Variants in DACT1 observed in about 807,000 individuals in gnomAD.
DACT1 encodes the protein dapper homolog 1.
A neutral mutation model predicts 35.3 loss-of-function variants in DACT1; 19 were observed. That is an observed-to-expected ratio of 0.54 (90% confidence interval 0.38 to 0.79). DACT1 has a LOEUF of 0.79. DACT1 is among the 30% of genes least tolerant of loss of function. DACT1 has a pLI of 0.00. For missense variants in DACT1, 1,143 were observed against 1,057.5 expected (o/e 1.08, Z -1.12); for synonymous variants, 545 against 466.7 (o/e 1.17, Z -2.16).
At chr14:58,639,343 T>G (rs1360583733) in intron 1 of DACT1, 7 of 865,894 alleles carry the variant, frequency 8.1e-6, no homozygotes, top group Non-Finnish European at 8.3e-6. Flanking sequence ...AAAAAGAACT[T>G]TGTAGCTTAA....
In DACT1 at chr14:58,647,170, T is replaced by G. The variant is rs771565266; in HGVS notation, c.*36T>G. On this transcript the variant is annotated 3_prime_UTR_variant, in exon 4 of 4. Transcript: ENST00000395153. ...TGGTGTAGAAAGTTTGTGTGTTTTTTTTTCTTCTCCCTAGTTGCCAAAATT... is the reference window on the plus strand; with the variant it reads ...TGGTGTAGAAAGTTTGTGTGTTTTTGTTTCTTCTCCCTAGTTGCCAAAATT... The G allele has an allele frequency of 6.3e-7, 1 of 1,589,186 alleles. No individual in the cohort carries two copies. Among genetic ancestry groups the G allele is most frequent in the Non-Finnish European group, 8.5e-7 (1 of 1,173,484 alleles).
Position 58,646,875 on chromosome 14 carries a change from C to T in DACT1, c.2141C>T (p.Thr714Ile), listed in dbSNP as rs757759206. The T allele has an allele frequency of 4.3e-6, 7 of 1,614,214 alleles. No individual in the cohort carries two copies. The South Asian group carries it at 7.7e-5, about 18-fold the overall frequency. ...GAGGACGAGCAGAGCAATTACACCA[C>T]CAACTGCTTCGGGGACAGCGAGTCG... ...TSEDEQSNYTTNCFGDSESSV... is the reference protein window; with the variant it reads ...TSEDEQSNYTINCFGDSESSV... Residue 714 changes from threonine (T) to isoleucine (I), a missense_variant, in exon 4 of 4, where the codon ACC becomes ATC. Thr to Ile is a moderately conservative substitution (Grantham distance 89, BLOSUM62 -1). This residue lies in a region of DACT1 where 1,054 missense variants were observed against 958.8 expected (regional missense o/e 1.10). Coordinates refer to ENST00000395153, the MANE Select transcript of DACT1 (RefSeq NM_001079520.2).
In DACT1 at chr14:58,646,279, G is replaced by T. The variant is rs571594579; in HGVS notation, c.1545G>T (p.Ala515=). The T allele has an allele frequency of 5.0e-6, 8 of 1,613,128 alleles. No homozygotes were observed. The East Asian group carries it at 1.3e-4, about 27-fold the overall frequency. The change falls in exon 4 of 4, where the codon GCG becomes GCT. Residue 515 remains alanine (A), a synonymous_variant. Transcript: ENST00000395153. Reference sequence around the variant, plus strand: ...GCTCTTCCCAAAGCCTGGAGGAAGCGCACCTGGTCAAGGCCCAGTTTATCC... The same window carrying T: ...GCTCTTCCCAAAGCCTGGAGGAAGCTCACCTGGTCAAGGCCCAGTTTATCC... The part of the protein sequence containing the change: ...SEGSSQSLEE[A]HLVKAQFIPG...
Position 58,641,721 on chromosome 14 carries a change from T to C in DACT1, c.608T>C (p.Leu203Pro), listed in dbSNP as rs377198014. The C allele has an allele frequency of 8.1e-6, 13 of 1,613,720 alleles. No individual in the cohort carries two copies. The highest frequency in any genetic ancestry group is 1.3e-5 in the African/African-American group (1 of 74,926). ...AGCCCCTTGGAGGCGACCTTGAGTC[T>C]CTCAGATGGTTGCCCCAAATCTGCA... ...FCSPLEATLS[L>P]SDGCPKSADV... Residue 203 changes from leucine to proline, a missense_variant, in exon 3 of 4, where the codon CTC becomes CCC. Physicochemically the swap from Leu to Pro is moderately conservative, Grantham distance 98 (BLOSUM62 -3). This residue lies in a region of DACT1 where 1,054 missense variants were observed against 958.8 expected (regional missense o/e 1.10). Transcript: ENST00000395153.
Position 58,638,370 on chromosome 14 carries a change from G to T in DACT1, c.168G>T (p.Ala56=). 1 of 1,302,726 alleles carries T rather than the reference G, an allele frequency of 7.7e-7. No individual in the cohort carries two copies. The allele number at this position is 1,302,726 out of a possible 1,614,324, so 80.7% of individuals were successfully genotyped here. Residue 56 remains alanine, a synonymous_variant, in exon 1 of 4, where the codon GCG becomes GCT. Transcript: ENST00000395153. ...AGGAGGCCACGCTGGCCGGGCTGGC[G>T]GAGCTGGAGTACCTGCGCCAGCGCC... ...ERQEATLAGL[A]ELEYLRQRQE...
Position 58,647,088 on chromosome 14 carries a change from T to G in DACT1, c.2354T>G (p.Ile785Ser), listed in dbSNP as rs748483816. ...GCCTCACATAACCTCAAGAAGAAGATCCTCCGCTTTCGGTCTGGCTCTTTG... is the reference window on the plus strand; with the variant it reads ...GCCTCACATAACCTCAAGAAGAAGAGCCTCCGCTTTCGGTCTGGCTCTTTG... ...IKASHNLKKK[I>S]LRFRSGSLKL... The change falls in exon 4 of 4, where the codon ATC (isoleucine) becomes AGC (serine). Residue 785 changes from isoleucine to serine, a missense_variant. By Grantham distance (142) the Ile-to-Ser change is moderately radical. Coordinates refer to ENST00000395153, the MANE Select transcript of DACT1 (RefSeq NM_001079520.2). The G allele has an allele frequency of 6.2e-7, 1 of 1,614,002 alleles. No individual in the cohort carries two copies. The highest frequency in any genetic ancestry group is 8.5e-7 in the Non-Finnish European group (1 of 1,179,996).
rs376589152 is a variant in DACT1 at position 58,647,087 on chromosome 14, A to G, written c.2353A>G (p.Ile785Val). ...GGCCTCACATAACCTCAAGAAGAAG[A>G]TCCTCCGCTTTCGGTCTGGCTCTTT... ...IKASHNLKKK[I>V]LRFRSGSLKL... Residue 785 changes from isoleucine (I) to valine (V), a missense_variant, in exon 4 of 4, where the codon ATC becomes GTC. Coordinates refer to ENST00000395153, the MANE Select transcript of DACT1 (RefSeq NM_001079520.2). 2 of 1,613,970 alleles carry G rather than the reference A, an allele frequency of 1.2e-6. No individual in the cohort carries two copies. Among genetic ancestry groups the G allele is most frequent in the African/African-American group, 2.7e-5 (2 of 74,866 alleles).
intron 3 of DACT1, among the ~76,000 whole-genome samples, chr14:58,644,415 T>G (rs189512682): frequency 1.1e-4 from 17 of 152,218 alleles, no homozygotes; most frequent in African/African-American, 4.1e-4. Context: ...AATTTTGTTG[T>G]AGAGAGATGG....
chr14:58,640,710 T>C (rs1277738635), intron 1 of DACT1, 26 bp from the exon 2 acceptor site: 2 of 1,613,714 alleles, frequency 1.2e-6, no homozygotes, highest in Non-Finnish European at 1.7e-6. Flanking sequence ...TGTATGTTCA[T>C]GTTTCCTTTG....
intron 1 of DACT1, 197 bp downstream of exon 1, chr14:58,638,744 C>T (rs2047599692): frequency 2.1e-5 from 25 of 1,192,702 alleles, no homozygotes; most frequent in Non-Finnish European, 2.5e-5. Context: ...CCACGCGTTT[C>T]TGGCGTGTGC....
At chr14:58,640,929 G>A in intron 2 of DACT1, 61 bp downstream of exon 2, 4 of 1,589,892 alleles carry the variant, frequency 2.5e-6, no homozygotes, top group Non-Finnish European at 3.4e-6. Flanking sequence ...AGCCCCTTGT[G>A]GTTAACATTC....
upstream of DACT1, among the ~76,000 whole-genome samples, chr14:58,634,870 G>T (rs2047564065): frequency 6.6e-6 from 1 of 152,230 alleles, no homozygotes; most frequent in Non-Finnish European, 1.5e-5. Flanking sequence ...TGAGGGACAT[G>T]TTCTGGCTCT....
rs764490850 is a variant in DACT1 at position 58,646,932 on chromosome 14, G to C, written c.2198G>C (p.Ser733Thr). ...AGCGAGGGCGAGTTCGTGGGGGAGA[G>C]CACAACCACCAGCGACTCTGAAGAA... is the stretch of plus-strand genomic sequence containing the variant. ...SVSEGEFVGE[S>T]TTTSDSEESG... The change falls in exon 4 of 4, where the codon AGC becomes ACC. Residue 733 changes from serine to threonine, a missense_variant. By Grantham distance (58) the Ser-to-Thr change is moderately conservative. Coordinates refer to ENST00000395153, the MANE Select transcript of DACT1 (RefSeq NM_001079520.2). 3.1e-6 allele frequency: 5 copies of C among 1,613,176 alleles called. No individual in the cohort carries two copies. The African/African-American group carries it at 5.3e-5, about 17-fold the overall frequency.
upstream of DACT1, among the ~76,000 whole-genome samples, chr14:58,636,476 A>G (rs1029911156): frequency 6.6e-5 from 10 of 152,146 alleles, no homozygotes; most frequent in Non-Finnish European, 1.3e-4. Flanking sequence ...ATACACATAA[A>G]CACCTACGTA....
Position 58,638,278 on chromosome 14 carries a change from G to A in DACT1, c.76G>A (p.Glu26Lys). ...APARGEQRTAEPEGRWREKGE... is the reference protein window; with the variant it reads ...APARGEQRTAKPEGRWREKGE... Reference sequence around the variant, plus strand: ...GGCCCGAGGCGAGCAGCGCACGGCGGAGCCCGAGGGGCGCTGGCGGGAGAA... The same window carrying A: ...GGCCCGAGGCGAGCAGCGCACGGCGAAGCCCGAGGGGCGCTGGCGGGAGAA... The change falls in exon 1 of 4, where the codon GAG becomes AAG. Residue 26 changes from glutamate (E) to lysine (K), a missense_variant. Physicochemically the swap from Glu to Lys is moderately conservative, Grantham distance 56 (BLOSUM62 1). Coordinates refer to ENST00000395153, the MANE Select transcript of DACT1 (RefSeq NM_001079520.2). 1.5e-6 allele frequency: 2 copies of A among 1,356,400 alleles called. No individual in the cohort carries two copies. The highest frequency in any genetic ancestry group is 1.5e-5 in the African/African-American group (1 of 65,424). 84.0% of individuals were successfully genotyped at this position (1,356,400 alleles called of 1,614,324 possible). A position where few individuals can be genotyped will look rare whatever the true frequency, so the allele number is the denominator to read the frequency against.
upstream of DACT1, among the ~76,000 whole-genome samples, chr14:58,634,626 C>T (rs1021487024): frequency 8.5e-5 from 13 of 152,190 alleles, no homozygotes; most frequent in African/African-American, 2.9e-4. Flanking sequence ...TCCTCCTATT[C>T]GGAGACAGCT....
Position 58,638,301 on chromosome 14 carries a change from G to A in DACT1, c.99G>A (p.Glu33=). ...RTAEPEGRWR[E]KGEADTERQR... ...CGGAGCCCGAGGGGCGCTGGCGGGAGAAGGGCGAGGCAGACACCGAGCGGC... is the reference window on the plus strand; with the variant it reads ...CGGAGCCCGAGGGGCGCTGGCGGGAAAAGGGCGAGGCAGACACCGAGCGGC... Residue 33 remains glutamate (E), a synonymous_variant, in exon 1 of 4, where the codon GAG becomes GAA. Coordinates refer to ENST00000395153, the MANE Select transcript of DACT1 (RefSeq NM_001079520.2). 7.4e-7 allele frequency: 1 copy of A among 1,343,730 alleles called. No homozygotes were observed. Among genetic ancestry groups the A allele is most frequent in the South Asian group, 1.9e-5 (1 of 53,216 alleles). The allele number at this position is 1,343,730 out of a possible 1,614,324, so 83.2% of individuals were successfully genotyped here.
chr14:58,646,960 C>T lies in DACT1; in HGVS notation c.2226C>T (p.Ser742=), dbSNP rs575793506. Residue 742 remains serine, a synonymous_variant, in exon 4 of 4, where the codon AGC becomes AGT. Transcript: ENST00000395153. The part of the protein sequence containing the change: ...ESTTTSDSEE[S]GGLIWSQFVQ... ...CAACCACCAGCGACTCTGAAGAAAG[C>T]GGGGGCTTAATTTGGTCCCAGTTTG... 5.0e-6 allele frequency: 8 copies of T among 1,614,150 alleles called. No individual in the cohort carries two copies. The African/African-American group carries it at 8.0e-5, about 16-fold the overall frequency.
Position 58,645,651 on chromosome 14 carries a change from T to C in DACT1, c.917T>C (p.Leu306Pro). 1 of 1,614,184 alleles carries C rather than the reference T, an allele frequency of 6.2e-7. No homozygotes were observed. ...AGCAAGAAAATGGATGGCTACATTC[T>C]GAGCCTGGTCCAGAAAAAAACACAC... ...SSSKKMDGYI[L>P]SLVQKKTHPV... Residue 306 changes from leucine (L) to proline (P), a missense_variant, in exon 4 of 4, where the codon CTG becomes CCG. Physicochemically the swap from Leu to Pro is moderately conservative, Grantham distance 98. This residue lies in a region of DACT1 where 1,054 missense variants were observed against 958.8 expected (regional missense o/e 1.10). Transcript: ENST00000395153.
Sources: allele counts gnomAD v4.1 joint callset (sites outside exome capture counted in the v4.1 genomes callset), GRCh38; gene constraint gnomAD v4.1.1; regional missense constraint gnomAD v4.1.1; transcripts MANE v1.5; gene names NCBI Gene and HGNC (gene_info 2026-07-23, HGNC 2026-07-21).